PTPN21: variants seen among roughly 807,000 people sequenced by gnomAD.
The protein encoded by PTPN21 is tyrosine-protein phosphatase non-receptor type 21.
In PTPN21, 77 loss-of-function variants were observed where a neutral mutation model predicts 131.8. The observed-to-expected ratio is 0.58, with a 90% CI of 0.49 to 0.71. The LOEUF is 0.71. Ranked by LOEUF, PTPN21 falls within the 30% of genes least tolerant of loss-of-function variation. The pLI is 0.00. For synonymous variants in PTPN21, 715 were observed against 621.3 expected (o/e 1.15, Z -2.24); for missense variants, 1,552 against 1,527.1 (o/e 1.02, Z -0.27).
chr14:88,468,161 G>A lies in PTPN21; in HGVS notation c.3501C>T (p.Phe1167=), dbSNP rs375176690. The change falls in exon 19 of 19, where the codon TTC becomes TTT. Residue 1167 remains phenylalanine, a synonymous_variant. Coordinates refer to ENST00000556564, the MANE Select transcript of PTPN21 (RefSeq NM_007039.4). Reference sequence around the variant, plus strand: ...CTTAGATGAGCCTGGAGCTTTTCAGGAACTGGATGAGGACTCTGTACACAA... The same window carrying A: ...CTTAGATGAGCCTGGAGCTTTTCAGAAACTGGATGAGGACTCTGTACACAA... ...YTFVYRVLIQ[F]LKSSRLI The A allele has an allele frequency of 1.9e-5, 30 of 1,613,798 alleles. No individual in the cohort carries two copies. Among genetic ancestry groups the A allele is most frequent in the South Asian group, 1.2e-4 (11 of 91,074 alleles).
At chr14:88,534,435 G>GA (rs1207533361) in intron 2 of PTPN21, among the ~76,000 whole-genome samples, 1 of 151,668 alleles carries the variant, frequency 6.6e-6, no homozygotes, top group East Asian at 1.9e-4. Context: ...CTTTAAAATA[G>GA]AAAAAAGCTT....
rs147950626 is a variant in PTPN21, at chr14:88,496,486, T to C, written c.859A>G (p.Met287Val). The change falls in exon 10 of 19, where the codon ATG becomes GTG. Residue 287 changes from methionine (M) to valine (V), a missense_variant. Met to Val is a conservative substitution (Grantham distance 21). Around this residue, in one of 4 missense-constraint regions of PTPN21, gnomAD observed 1,016 missense variants for 883.5 expected, o/e 1.15. Transcript: ENST00000556564. ...EETIQFQTED[M>V]ETAKYIWRLC... ...CTCCAAATGTATTTTGCTGTTTCCATGTCTTCCTAGCAAACAAAATAGGCA... is the reference window on the plus strand; with the variant it reads ...CTCCAAATGTATTTTGCTGTTTCCACGTCTTCCTAGCAAACAAAATAGGCA... 1.9e-6 allele frequency: 3 copies of C among 1,613,460 alleles called. No homozygotes were observed. The highest frequency in any genetic ancestry group is 1.3e-5 in the African/African-American group (1 of 74,938).
Position 88,479,923 on chromosome 14 carries a change from G to C in PTPN21, c.1508C>G (p.Pro503Arg). 1 of 1,603,904 alleles carries C rather than the reference G, an allele frequency of 6.2e-7. No individual in the cohort carries two copies. Among genetic ancestry groups the C allele is most frequent in the Non-Finnish European group, 8.5e-7 (1 of 1,178,810 alleles). ...CGGGCAGTGTGCGGCCGCTGGCGAG[G>C]GGAGCTGTGCGTGCTCGCGGATCTC... ...QPEIREHAQL[P>R]SPAAAHCPFS... is the part of the protein sequence containing the mutation. Residue 503 changes from proline (P) to arginine (R), a missense_variant, in exon 13 of 19, where the codon CCC becomes CGC. Around this residue, in one of 4 missense-constraint regions of PTPN21, gnomAD observed 1,016 missense variants for 883.5 expected, o/e 1.15. Transcript: ENST00000556564.
chr14:88,496,520 T>C (rs201784772), intron 9 of PTPN21, 28 bp from the exon 10 acceptor site: 1 of 1,535,562 alleles, frequency 6.5e-7, no homozygotes, highest in East Asian at 2.3e-5. Flanking sequence ...CATAAAGCAA[T>C]ATGAAAGCAC....
chr14:88,540,919 T>C (rs1168846897), intron 2 of PTPN21, among the ~76,000 whole-genome samples: 1 of 152,204 alleles, frequency 6.6e-6, no homozygotes, highest in Non-Finnish European at 1.5e-5. Flanking sequence ...TGCCTCGGCC[T>C]GTCAAAGTGC....
rs1250675939 is a variant in PTPN21 at position 88,507,942 on chromosome 14, T to C, written c.429A>G (p.Leu143=). The C allele has an allele frequency of 5.0e-6, 8 of 1,602,726 alleles. No homozygotes were observed. Among genetic ancestry groups the C allele is most frequent in the Admixed American group, 1.7e-5 (1 of 59,650 alleles). The change falls in exon 4 of 19, where the codon CTA becomes CTG. Residue 143 remains leucine, a synonymous_variant. Coordinates refer to ENST00000556564, the MANE Select transcript of PTPN21 (RefSeq NM_007039.4). Reference sequence around the variant, plus strand: ...ATTTACCTTGAACAGCTAAGCCTGCTAGCTGAATTGCTTGTTCTAAGGTAC... The same window carrying C: ...ATTTACCTTGAACAGCTAAGCCTGCCAGCTGAATTGCTTGTTCTAAGGTAC... ...IPCTLEQAIQ[L]AGLAVQADFG...
At chr14:88,549,092 G>C (rs982032786) in intron 2 of PTPN21, among the ~76,000 whole-genome samples, 2 of 152,246 alleles carry the variant, frequency 1.3e-5, no homozygotes, top group East Asian at 1.9e-4. Context: ...CTAGAACCTC[G>C]ATCTGGCCTG....
rs376318415 is a variant in PTPN21, at chr14:88,500,832, C to T, written c.715G>A (p.Glu239Lys). 2 of 1,613,834 alleles carry T rather than the reference C, an allele frequency of 1.2e-6. No individual in the cohort carries two copies. The highest frequency in any genetic ancestry group is 1.7e-6 in the Non-Finnish European group (2 of 1,179,878). The change falls in exon 8 of 19, where the codon GAA becomes AAA. Residue 239 changes from glutamate to lysine, a missense_variant. By Grantham distance (56) the Glu-to-Lys change is moderately conservative (BLOSUM62 1). Coordinates refer to ENST00000556564, the MANE Select transcript of PTPN21 (RefSeq NM_007039.4). ...TTCTTGTGTTTCACAAAGATACCTT[C>T]AAGACACGCTCCAATGGATATGTCA... ...GSDISIGACL[E>K]GIFVKHKNGR...
At chr14:88,503,826 T>C (rs369719354) in intron 6 of PTPN21, 5 of 152,338 alleles carry the variant, frequency 3.3e-5, no homozygotes, top group African/African-American at 7.2e-5. Context: ...TGTGTGGTAG[T>C]TGGTTTAGAA....
chr14:88,500,930 T>TA, intron 7 of PTPN21, 59 bp from the exon 8 acceptor site: 2 of 1,211,500 alleles, frequency 1.7e-6, no homozygotes, highest in Non-Finnish European at 2.5e-6. Context: ...GAACTGCTGC[T>TA]AGAGTTCCCT....
At chr14:88,518,255 A>AATATATATATATATAT (rs1555388146) in intron 2 of PTPN21, among the ~76,000 whole-genome samples, 3 of 18,662 alleles carry the variant, frequency 1.6e-4, no homozygotes, top group African/African-American at 6.6e-4. Context: ...AAAAAAAAAA[A>AATATATATATATATAT]ATATATATAT....
intron 2 of PTPN21, among the ~76,000 whole-genome samples, chr14:88,534,100 G>A (rs376217659): frequency 3.9e-5 from 6 of 152,066 alleles, no homozygotes; most frequent in Admixed American, 2.0e-4. Context: ...GGCCGGGCAC[G>A]GTGGCTCACA....
At chr14:88,551,006 T>C (rs554509018) in intron 1 of PTPN21, among the ~76,000 whole-genome samples, 1 of 152,282 alleles carries the variant, frequency 6.6e-6, no homozygotes, top group African/African-American at 2.4e-5. Flanking sequence ...CTTTAGTCCT[T>C]AAGTGAGAAA....
chr14:88,480,296 C>T lies in PTPN21; in HGVS notation c.1135G>A (p.Asp379Asn). The T allele has an allele frequency of 6.2e-7, 1 of 1,614,150 alleles. No homozygotes were observed. Among genetic ancestry groups the T allele is most frequent in the Non-Finnish European group, 8.5e-7 (1 of 1,180,038 alleles). The change falls in exon 13 of 19, where the codon GAT becomes AAT. Residue 379 changes from aspartate (D) to asparagine (N), a missense_variant. Physicochemically the swap from Asp to Asn is conservative, Grantham distance 23. This residue lies in a region of PTPN21 where 1,016 missense variants were observed against 883.5 expected (regional missense o/e 1.15). Coordinates refer to ENST00000556564, the MANE Select transcript of PTPN21 (RefSeq NM_007039.4). The part of the protein sequence containing the change: ...GYYCHSQTSL[D>N]RAQIDLNGRI... ...CCGTTGAGGTCAATCTGGGCTCTAT[C>T]CAAGCTTGTCTGAGAGTGACAGTAG...
chr14:88,482,613 C>CAAAAGAAAAGAAAAGAAAAG (rs147441767), intron 12 of PTPN21, among the ~76,000 whole-genome samples: 36 of 150,870 alleles, frequency 2.4e-4, no homozygotes, highest in African/African-American at 8.8e-4. Flanking sequence ...AACTCCATCT[C>CAAAAGAAAAGAAAAGAAAAG]AAAAGAAAAG....
At chr14:88,486,274 C>A (rs2077731180) in intron 10 of PTPN21, among the ~76,000 whole-genome samples, 2 of 152,174 alleles carry the variant, frequency 1.3e-5, no homozygotes, top group Admixed American at 6.5e-5. Flanking sequence ...CTCCACTAAC[C>A]TTCCTCCCGG....
chr14:88,489,659 A>T (rs1181446663), intron 10 of PTPN21, among the ~76,000 whole-genome samples: 1 of 152,222 alleles, frequency 6.6e-6, no homozygotes, highest in African/African-American at 2.4e-5. Flanking sequence ...CTTTAAAAAA[A>T]TAAATAAATA....
intron 4 of PTPN21, among the ~76,000 whole-genome samples, chr14:88,506,840 G>A (rs2078097873): frequency 6.6e-6 from 1 of 152,036 alleles, no homozygotes; most frequent in Non-Finnish European, 1.5e-5. Flanking sequence ...TCAGGAGTTT[G>A]AGACCAGCCT....
chr14:88,529,115 G>C (rs2078519804), intron 2 of PTPN21, among the ~76,000 whole-genome samples: 1 of 152,174 alleles, frequency 6.6e-6, no homozygotes, highest in African/African-American at 2.4e-5. Context: ...CTCTGGGTTT[G>C]TCATAGATGG....
Sources: allele counts gnomAD v4.1 joint callset (sites outside exome capture counted in the v4.1 genomes callset), GRCh38; gene constraint gnomAD v4.1.1; regional missense constraint gnomAD v4.1.1; transcripts MANE v1.5; gene names NCBI Gene and HGNC (gene_info 2026-07-23, HGNC 2026-07-21).